LPAR1: variants seen among roughly 807,000 people sequenced by gnomAD.
The protein encoded by LPAR1 is LPA receptor 1.
In LPAR1, 5 loss-of-function variants were observed where a neutral mutation model predicts 23.8. The ratio of observed to expected loss-of-function variants is 0.21; its 90% confidence interval spans 0.11 to 0.44. The LOEUF (loss-of-function observed/expected upper bound fraction) is 0.44. LPAR1 is among the 20% of genes least tolerant of loss of function. The probability of loss-of-function intolerance (pLI) is 0.99; values close to 1 mark genes in which losing one functional copy is unlikely to be tolerated. For synonymous variants in LPAR1, 160 were observed against 164.7 expected (o/e 0.97, Z 0.22); for missense variants, 311 against 482.8 (o/e 0.64, Z 3.33).
At chr9:110,935,630 A>T (rs895184093) in intron 5 of LPAR1, among the ~76,000 whole-genome samples, 1 of 152,104 alleles carries the variant, frequency 6.6e-6, no homozygotes, top group Non-Finnish European at 1.5e-5. Flanking sequence ...CTCTAAAACA[A>T]AAAAAAGAAC....
At chr9:110,985,825 G>T (rs1379089492) in intron 2 of LPAR1, among the ~76,000 whole-genome samples, 1 of 152,096 alleles carries the variant, frequency 6.6e-6, no homozygotes, top group African/African-American at 2.4e-5. Flanking sequence ...GGTCAAGCTA[G>T]TTTGTGTTAC....
In LPAR1 at chr9:110,930,798, C is replaced by T. The variant is rs2094359980; in HGVS notation, c.793+10623G>A. Among the ~76,000 whole-genome samples, 3 of 151,900 alleles carry T rather than the reference C, an allele frequency of 2.0e-5. No homozygotes were observed. The South Asian group carries it at 6.2e-4, about 32-fold the overall frequency. On this transcript the variant is annotated intron_variant, in intron 5 of 5. Coordinates refer to ENST00000683809, the MANE Select transcript of LPAR1 (RefSeq NM_001351411.2). ...GGCGTGGTGGCGCGTGCCTATAGTC[C>T]CAGCTACCCCGGAGGCTGAGGCAGG...
intron 2 of LPAR1, among the ~76,000 whole-genome samples, chr9:110,981,984 G>C (rs950069529): frequency 1.6e-4 from 25 of 152,158 alleles, no homozygotes; most frequent in African/African-American, 6.0e-4. Context: ...ACAGATGCTG[G>C]AGAGGATGTG....
intron 5 of LPAR1, among the ~76,000 whole-genome samples, chr9:110,911,629 A>C (rs991827585): frequency 6.6e-6 from 1 of 152,236 alleles, no homozygotes; most frequent in Non-Finnish European, 1.5e-5. Context: ...TATTTTCAAA[A>C]GATTATGACT....
At chr9:110,978,312 T>C (rs2096601908) in intron 2 of LPAR1, among the ~76,000 whole-genome samples, 1 of 151,992 alleles carries the variant, frequency 6.6e-6, no homozygotes, top group Non-Finnish European at 1.5e-5. Context: ...AAAATAAAAT[T>C]AGTGATGCAA....
chr9:111,024,662 T>A (rs968210843), intron 2 of LPAR1, among the ~76,000 whole-genome samples: 3 of 151,668 alleles, frequency 2.0e-5, no homozygotes, highest in Non-Finnish European at 4.4e-5. Context: ...AAACTCGCCA[T>A]CTACATTAGG....
chr9:110,913,049 A>G (rs1053502216), intron 5 of LPAR1, among the ~76,000 whole-genome samples: 3 of 152,188 alleles, frequency 2.0e-5, no homozygotes, highest in African/African-American at 7.2e-5. Context: ...TATTTGTGCT[A>G]TTTCCCAGAG....
At position 110,883,967 on chromosome 9, in the gene LPAR1, T is replaced by G. The variant is rs1399321534; in HGVS notation, c.794-8245A>C. On this transcript the variant is annotated intron_variant, in intron 5 of 5. Coordinates refer to ENST00000683809, the MANE Select transcript of LPAR1 (RefSeq NM_001351411.2). ...TTCTTCTCCCTCCCCCACCCCCATT[T>G]TCTAGAGTGTATCCATGAGCATTCT... is the stretch of plus-strand genomic sequence containing the variant. Among the ~76,000 whole-genome samples the G allele has an allele frequency of 2.0e-5, 3 of 151,940 alleles. 1 individual carries two copies. Among genetic ancestry groups the G allele is most frequent in the African/African-American group, 7.3e-5 (3 of 41,342 alleles).
intron 5 of LPAR1, among the ~76,000 whole-genome samples, chr9:110,892,337 T>A (rs1258850004): frequency 6.6e-6 from 1 of 152,108 alleles, no homozygotes; most frequent in Non-Finnish European, 1.5e-5. Context: ...GCACCAACTA[T>A]CTTTAGTTTC....
chr9:110,989,643 G>A (rs912827718), intron 2 of LPAR1, among the ~76,000 whole-genome samples: 1 of 151,912 alleles, frequency 6.6e-6, no homozygotes, highest in African/African-American at 2.4e-5. Context: ...CCAACAAGAA[G>A]ATAAAATGAA....
intron 5 of LPAR1, among the ~76,000 whole-genome samples, chr9:110,924,238 C>CAAAAAAAA (rs10695949): frequency 3.5e-5 from 5 of 144,026 alleles, no homozygotes; most frequent in Non-Finnish European, 3.0e-5. Context: ...ATTATAATAG[C>CAAAAAAAA]AAAAAAAAAA....
chr9:110,941,542 G>A lies in LPAR1; in HGVS notation c.672C>T (p.Leu224=), dbSNP rs1038924061. 1 of 1,614,120 alleles carries A rather than the reference G, an allele frequency of 6.2e-7. No homozygotes were observed. The highest frequency in any genetic ancestry group is 8.5e-7 in the Non-Finnish European group (1 of 1,180,002). The change falls in exon 5 of 6, where the codon CTC becomes CTT. Residue 224 remains leucine (L), a synonymous_variant. Transcript: ENST00000683809. The surrounding 1 kb of genome is among the most constrained non-coding windows in gnomAD (Gnocchi z 6.1). ...NLVTFVVMVV[L]YAHIFGYVRQ... ...GAACATAGCCAAAGATGTGAGCATA[G>A]AGAACCACCATTACCACAAAGGTCA...
chr9:111,033,168 G>T (rs978169978), intron 2 of LPAR1, among the ~76,000 whole-genome samples: 4 of 152,072 alleles, frequency 2.6e-5, no homozygotes, highest in Non-Finnish European at 4.4e-5. Flanking sequence ...ATTTTACATG[G>T]ACTTCAGGGT....
intron 5 of LPAR1, among the ~76,000 whole-genome samples, chr9:110,905,756 C>T (rs2134083383): frequency 6.6e-6 from 1 of 152,270 alleles, no homozygotes; most frequent in East Asian, 1.9e-4. Context: ...ATTTAAAAGG[C>T]TCTATACATT....
rs1726108680 is a variant in LPAR1 at position 110,946,826 on chromosome 9, TA to T, written c.46-4659del. Reference sequence around the variant, plus strand: ...TATTGAAAGAAGCTATACCTATTAATAAAATAGCAATTTAATAATAATCTGG... The same window carrying T: ...TATTGAAAGAAGCTATACCTATTAATAAATAGCAATTTAATAATAATCTGG... On this transcript the variant is annotated intron_variant, in intron 4 of 5. Coordinates refer to ENST00000683809, the MANE Select transcript of LPAR1 (RefSeq NM_001351411.2). 5.3e-5 allele frequency among the ~76,000 whole-genome samples: 8 copies of T among 152,246 alleles called. No individual in the cohort carries two copies. In the South Asian group the frequency reaches 1.7e-3, roughly 32 times the overall value.
At chr9:111,001,589 T>A (rs753174408) in intron 2 of LPAR1, among the ~76,000 whole-genome samples, 4 of 152,098 alleles carry the variant, frequency 2.6e-5, no homozygotes, top group African/African-American at 4.8e-5. Flanking sequence ...AGAACTAACA[T>A]CCAGATGGAC....
intron 4 of LPAR1, among the ~76,000 whole-genome samples, chr9:110,962,878 G>A (rs2137474056): frequency 1.3e-5 from 2 of 152,256 alleles, no homozygotes; most frequent in East Asian, 3.9e-4. Context: ...GCAAGGTACA[G>A]ATCTTAAAAG....
At chr9:110,992,938 C>T (rs1023705825) in intron 2 of LPAR1, among the ~76,000 whole-genome samples, 1 of 151,920 alleles carries the variant, frequency 6.6e-6, no homozygotes, top group Admixed American at 6.6e-5. Flanking sequence ...TATATGCATA[C>T]GTCAAAACAA....
At chr9:110,948,491 T>C (rs189544796) in intron 4 of LPAR1, among the ~76,000 whole-genome samples, 37 of 152,334 alleles carry the variant, frequency 2.4e-4, no homozygotes, top group Admixed American at 2.0e-3. Flanking sequence ...TATACACATA[T>C]GCAAAAAGAA....
Sources: gnomAD v4.1 joint callset for allele counts (sites outside exome capture counted in the v4.1 genomes callset) on GRCh38, gnomAD v4.1.1 for gene constraint, Gnocchi (gnomAD v3.1) non-coding constraint, MANE v1.5 for transcripts, NCBI Gene and HGNC (gene_info 2026-07-23, HGNC 2026-07-21) for gene names.